The following CWC25 variants were observed in gnomAD, a reference collection of about 807,000 sequenced individuals.
CWC25 encodes CWC25 spliceosome associated protein, also known as pre-mRNA-splicing factor CWC25 homolog.
CWC25 carries 31 observed loss-of-function variants against 54.6 expected under a neutral mutation model. The ratio of observed to expected loss-of-function variants is 0.57; its 90% CI spans 0.43 to 0.77. CWC25 has a LOEUF of 0.77. Ranked by LOEUF, CWC25 falls within the 30% of genes least tolerant of loss-of-function variation. The pLI is 0.00. For synonymous variants in CWC25, 151 were observed against 187.0 expected (o/e 0.81, Z 1.57); for missense variants, 453 against 529.3 (o/e 0.86, Z 1.41).
At chr17:38,824,566 A>G (rs1195887071) in intron 1 of CWC25, among the ~76,000 whole-genome samples, 3 of 152,096 alleles carry the variant, frequency 2.0e-5, no homozygotes, top group Admixed American at 2.0e-4. Context: ...CATGCCTGTA[A>G]TCCCAGCTAC....
chr17:38,808,469 G>A lies in CWC25; in HGVS notation c.690+1233C>T, dbSNP rs1911346562. On this transcript the variant is annotated intron_variant, in intron 6 of 9. Coordinates refer to ENST00000614790, the MANE Select transcript of CWC25 (RefSeq NM_017748.5). ...GCGAGATGCAGAAGCATGGAGGACA[G>A]GACCCAAGGTTAAAAATACAGAAAT... Among the ~76,000 whole-genome samples, 2 of 140,052 alleles carry A rather than the reference G, an allele frequency of 1.4e-5. 1 individual carries two copies. Among genetic ancestry groups the A allele is most frequent in the Non-Finnish European group, 3.1e-5 (2 of 63,492 alleles). The allele number at this position is 140,052 out of a possible 152,430, so 91.9% of individuals were successfully genotyped here.
At chr17:38,804,984 G>A (rs1286814242) in intron 8 of CWC25, among the ~76,000 whole-genome samples, 3 of 152,004 alleles carry the variant, frequency 2.0e-5, no homozygotes, top group East Asian at 1.9e-4. Context: ...GCACATGCCT[G>A]TAATCCCAGC....
intron 4 of CWC25, among the ~76,000 whole-genome samples, chr17:38,812,456 CGT>C (rs1361848875): frequency 6.6e-6 from 1 of 152,044 alleles, no homozygotes; most frequent in Non-Finnish European, 1.5e-5. Context: ...GAATAAACCC[CGT>C]CTCTACTAAA....
intron 6 of CWC25, 88 bp from the exon 7 acceptor site, chr17:38,807,064 G>A: frequency 4.8e-6 from 5 of 1,040,438 alleles, no homozygotes; most frequent in East Asian, 2.5e-5. Flanking sequence ...GCTCACGCCT[G>A]TAATCCCAGC....
At chr17:38,803,947 A>G (rs1911128311) in intron 8 of CWC25, among the ~76,000 whole-genome samples, 1 of 152,138 alleles carries the variant, frequency 6.6e-6, no homozygotes. Context: ...TGGAAGGCTG[A>G]GGTAGGAGGA....
intron 7 of CWC25, 180 bp downstream of exon 7, chr17:38,806,585 T>C (rs577544406): frequency 1.7e-5 from 12 of 727,000 alleles, no homozygotes; most frequent in Admixed American, 3.0e-5. Flanking sequence ...CCTACAGATA[T>C]GTGGCTTTGG....
intron 8 of CWC25, among the ~76,000 whole-genome samples, chr17:38,804,578 G>A (rs975755869): frequency 5.3e-5 from 8 of 151,428 alleles, no homozygotes; most frequent in South Asian, 4.2e-4. Flanking sequence ...AGGCTGAGGC[G>A]GGCAGATCAC....
rs1911357789 is a variant in CWC25, at chr17:38,808,751, A to G, written c.690+951T>C. ...AGCTGAGATTGCACCATTGCACTCC[A>G]GCCTGGTTGACATGGAGAAACCCTG... On this transcript the variant is annotated intron_variant, in intron 6 of 9. Coordinates refer to ENST00000614790, the MANE Select transcript of CWC25 (RefSeq NM_017748.5). 2.6e-5 allele frequency among the ~76,000 whole-genome samples: 4 copies of G among 151,880 alleles called. No individual in the cohort carries two copies. In the South Asian group the frequency reaches 8.4e-4, roughly 32 times the overall value.
chr17:38,815,551 C>CAAAT (rs143550966), intron 2 of CWC25: 13,148 of 697,012 alleles, frequency 0.019, 247 homozygotes, highest in Non-Finnish European at 0.022. Flanking sequence ...GACCTTGTCT[C>CAAAT]AAATAAATAA....
rs772176446 is a variant in CWC25, at chr17:38,802,829, C to T, written c.1034G>A (p.Arg345Gln). ...TTTGGCGTTTTCCATCATCTCTTGCCGTTTTCGCTCTAATTCCTCTGCAGA... is the reference window on the plus strand; with the variant it reads ...TTTGGCGTTTTCCATCATCTCTTGCTGTTTTCGCTCTAATTCCTCTGCAGA... ...KLSAEELERK[R>Q]QEMMENAKWR... The change falls in exon 9 of 10, where the codon CGG (arginine) becomes CAG (glutamine). Residue 345 changes from arginine to glutamine, a missense_variant. Transcript: ENST00000614790. The T allele has an allele frequency of 8.1e-6, 13 of 1,613,820 alleles. No individual in the cohort carries two copies. The highest frequency in any genetic ancestry group is 2.2e-5 in the East Asian group (1 of 44,892).
chr17:38,814,345 G>A (rs527328757), intron 3 of CWC25, among the ~76,000 whole-genome samples: 4 of 149,168 alleles, frequency 2.7e-5, no homozygotes, highest in South Asian at 2.1e-4. Context: ...ATGCAGTGGC[G>A]TGATCTCGGC....
At chr17:38,816,412 A>G (rs1436216887) in intron 2 of CWC25, among the ~76,000 whole-genome samples, 7 of 151,262 alleles carry the variant, frequency 4.6e-5, no homozygotes, top group Admixed American at 2.6e-4. Context: ...TGCCTTGCTG[A>G]TTTTTTATTT....
chr17:38,802,334 C>T (rs1288866500), intron 9 of CWC25, 128 bp from the exon 10 acceptor site: 1 of 631,794 alleles, frequency 1.6e-6, no homozygotes, highest in African/African-American at 1.8e-5. Flanking sequence ...TTTAAGCTCC[C>T]ATAGATAACT....
In CWC25 at chr17:38,825,321, T is replaced by A; in HGVS notation, c.-138A>T. 1.2e-6 allele frequency: 1 copy of A among 815,754 alleles called. No individual in the cohort carries two copies. Among genetic ancestry groups the A allele is most frequent in the Non-Finnish European group, 1.9e-6 (1 of 540,414 alleles). The allele number at this position is 815,754 out of a possible 1,614,324, so 50.5% of individuals were successfully genotyped here. On this transcript the variant is annotated 5_prime_UTR_variant, in exon 1 of 10. Transcript: ENST00000614790. ...TCAACTGCCAGTTTCACCACCGCTC[T>A]AGAGGTCACTTCCGGGAGGGCGTCA... is the stretch of plus-strand genomic sequence containing the variant.
chr17:38,822,646 G>A (rs1341720483), intron 1 of CWC25, among the ~76,000 whole-genome samples: 1 of 152,120 alleles, frequency 6.6e-6, no homozygotes, highest in Admixed American at 6.6e-5. Flanking sequence ...GAGATGAGGG[G>A]GGTAGATTTC....
intron 3 of CWC25, 66 bp from the exon 4 acceptor site, chr17:38,812,930 T>A: frequency 1.1e-6 from 1 of 884,834 alleles, no homozygotes; most frequent in Non-Finnish European, 1.8e-6. Context: ...AGTAACCTTT[T>A]CTCCAAACAT....
At chr17:38,808,592 C>T (rs965676232) in intron 6 of CWC25, among the ~76,000 whole-genome samples, 1 of 139,318 alleles carries the variant, frequency 7.2e-6, no homozygotes, top group African/African-American at 2.6e-5. Context: ...ACCAGCCTGA[C>T]GAACATGGAG....
intron 8 of CWC25, 27 bp downstream of exon 8, chr17:38,806,270 G>A (rs756361924): frequency 1.9e-6 from 3 of 1,575,226 alleles, no homozygotes; most frequent in African/African-American, 1.3e-5. Context: ...TGCAAAATGT[G>A]GTTAATCAAC....
chr17:38,821,106 CG>C, intron 1 of CWC25, 33 bp from the exon 2 acceptor site: 6 of 1,595,234 alleles, frequency 3.8e-6, no homozygotes. Flanking sequence ...GATGATAATT[CG>C]GGGGGTGACT....
Sources: gnomAD v4.1 joint callset for allele counts (sites outside exome capture counted in the v4.1 genomes callset) on GRCh38, gnomAD v4.1.1 for gene constraint, MANE v1.5 for transcripts, NCBI Gene and HGNC (gene_info 2026-07-23, HGNC 2026-07-21) for gene names.